The following EPS15 variants were observed in gnomAD, a reference collection of about 807,000 sequenced individuals.
EPS15 encodes epidermal growth factor receptor pathway substrate 15.
EPS15 carries 72 observed loss-of-function variants against 113.8 expected under a neutral mutation model. That is an observed-to-expected ratio of 0.63 (90% CI 0.52 to 0.77). The LOEUF (loss-of-function observed/expected upper bound fraction) is 0.77. EPS15 is among the 30% of genes least tolerant of loss of function. The probability of loss-of-function intolerance (pLI) is 0.00; values close to 1 mark genes in which losing one functional copy is unlikely to be tolerated. For synonymous variants in EPS15, 344 were observed against 363.4 expected (o/e 0.95, Z 0.61); for missense variants, 1,048 against 1,045.8 (o/e 1.00, Z -0.03).
intron 21 of EPS15, among the ~76,000 whole-genome samples, chr1:51,368,426 G>A (rs1336749932): frequency 1.3e-5 from 2 of 152,182 alleles, no homozygotes; most frequent in African/African-American, 4.8e-5. Flanking sequence ...TGATCCTGAA[G>A]AGGATGTTGG....
intron 1 of EPS15, among the ~76,000 whole-genome samples, chr1:51,517,785 A>T (rs1644751470): frequency 6.6e-6 from 1 of 152,186 alleles, no homozygotes; most frequent in African/African-American, 2.4e-5. Flanking sequence ...AAAACTGGGA[A>T]ATAGACTTTC....
At chr1:51,363,804 C>T in intron 23 of EPS15, 62 bp downstream of exon 23, 2 of 1,497,372 alleles carry the variant, frequency 1.3e-6, no homozygotes, top group Non-Finnish European at 1.8e-6. Flanking sequence ...AAGTTCCGCA[C>T]AATACTTTTC....
rs1224248551 is a variant in EPS15, at chr1:51,367,434, T to C, written c.2120-1405A>G. Among the ~76,000 whole-genome samples the C allele has an allele frequency of 3.9e-5, 6 of 152,070 alleles. No individual in the cohort carries two copies. The South Asian group carries it at 1.0e-3, about 26-fold the overall frequency. On this transcript the variant is annotated intron_variant, in intron 21 of 24. Coordinates refer to ENST00000371733, the MANE Select transcript of EPS15 (RefSeq NM_001981.3). ...TGGGCGTGGTGGTGCGTGCCTGTAATATCAGCTGCTTGGGAAGCTGAGGCA... is the reference window on the plus strand; with the variant it reads ...TGGGCGTGGTGGTGCGTGCCTGTAACATCAGCTGCTTGGGAAGCTGAGGCA...
At chr1:51,497,837 CATG>C (rs1644350749) in intron 1 of EPS15, among the ~76,000 whole-genome samples, 1 of 151,916 alleles carries the variant, frequency 6.6e-6, no homozygotes, top group African/African-American at 2.4e-5. Context: ...ATTCGCTGGG[CATG>C]GTGGTGCGCG....
At chr1:51,465,959 C>T (rs1654813724) in intron 5 of EPS15, among the ~76,000 whole-genome samples, 1 of 150,168 alleles carries the variant, frequency 6.7e-6, no homozygotes, top group Non-Finnish European at 1.5e-5. Context: ...ATGATCGCAG[C>T]ACTGTATTCC....
At chr1:51,502,476 A>G (rs1163284410) in intron 1 of EPS15, among the ~76,000 whole-genome samples, 2 of 152,130 alleles carry the variant, frequency 1.3e-5, no homozygotes, top group Non-Finnish European at 2.9e-5. Flanking sequence ...TCATTATTAT[A>G]CTGGAGGTTC....
intron 24 of EPS15, among the ~76,000 whole-genome samples, chr1:51,358,915 G>C (rs1372199790): frequency 6.6e-6 from 1 of 151,664 alleles, no homozygotes; most frequent in Non-Finnish European, 1.5e-5. Flanking sequence ...TGTTGGCCAG[G>C]CTGGTCTCAC....
intron 11 of EPS15, among the ~76,000 whole-genome samples, chr1:51,441,577 G>A (rs957060432): frequency 4.6e-5 from 7 of 151,976 alleles, no homozygotes; most frequent in East Asian, 1.9e-4. Context: ...GTTAATTTAC[G>A]TCAACAACTT....
chr1:51,401,413 T>G (rs1375254169), intron 18 of EPS15, among the ~76,000 whole-genome samples: 2 of 152,200 alleles, frequency 1.3e-5, no homozygotes, highest in East Asian at 1.9e-4. Context: ...TTAGGACAAC[T>G]GGATATCCAC....
intron 15 of EPS15, among the ~76,000 whole-genome samples, chr1:51,406,646 G>GATTC (rs1649160959): frequency 6.6e-6 from 1 of 151,298 alleles, no homozygotes; most frequent in African/African-American, 2.4e-5. Flanking sequence ...TTTTTAAAGA[G>GATTC]ATTCAAAAAA....
At chr1:51,412,520 C>T (rs904319198) in intron 13 of EPS15, among the ~76,000 whole-genome samples, 10 of 152,240 alleles carry the variant, frequency 6.6e-5, no homozygotes, top group African/African-American at 2.2e-4. Context: ...GCTAACATTC[C>T]GTGAGTTTGT....
intron 20 of EPS15, among the ~76,000 whole-genome samples, chr1:51,398,637 C>T (rs1007228859): frequency 6.6e-6 from 1 of 152,104 alleles, no homozygotes; most frequent in Admixed American, 6.5e-5. Context: ...CCAGATGTGT[C>T]TATGAAATAA....
chr1:51,388,326 T>C (rs565764422), intron 21 of EPS15, among the ~76,000 whole-genome samples: 2 of 152,272 alleles, frequency 1.3e-5, no homozygotes, highest in East Asian at 3.9e-4. Flanking sequence ...AAGCAGTGTG[T>C]AGAGGGAAAT....
intron 22 of EPS15, 42 bp downstream of exon 22, chr1:51,365,911 A>G: frequency 7.4e-7 from 1 of 1,355,652 alleles, no homozygotes; most frequent in South Asian, 1.3e-5. Flanking sequence ...TTTTGGTGGA[A>G]ACACAGTATG....
intron 8 of EPS15, among the ~76,000 whole-genome samples, chr1:51,455,183 G>T (rs959088641): frequency 1.3e-5 from 2 of 152,144 alleles, no homozygotes; most frequent in Non-Finnish European, 1.5e-5. Context: ...CTATACACTT[G>T]CAGAACTTAC....
chr1:51,451,835 T>C (rs916641852), intron 8 of EPS15, among the ~76,000 whole-genome samples: 3 of 152,134 alleles, frequency 2.0e-5, no homozygotes, highest in Non-Finnish European at 2.9e-5. Context: ...TCAAACTAAC[T>C]TGGAACCTCT....
intron 11 of EPS15, among the ~76,000 whole-genome samples, chr1:51,441,509 C>T (rs1312533425): frequency 6.6e-6 from 1 of 152,086 alleles, no homozygotes; most frequent in East Asian, 1.9e-4. Flanking sequence ...CTAAGATATA[C>T]TGCTGACTTT....
chr1:51,469,474 A>G (rs560485791), intron 4 of EPS15, among the ~76,000 whole-genome samples: 65 of 152,358 alleles, frequency 4.3e-4, no homozygotes, highest in Non-Finnish European at 8.5e-4. Context: ...AAATAAATGC[A>G]AAGAAGCTGA....
At chr1:51,406,450 C>T (rs2148426055) in intron 15 of EPS15, among the ~76,000 whole-genome samples, 1 of 152,120 alleles carries the variant, frequency 6.6e-6, no homozygotes, top group African/African-American at 2.4e-5. Context: ...ACTCGAGTGA[C>T]AGAATGAGAC....
Sources: gnomAD v4.1 joint callset for allele counts (sites outside exome capture counted in the v4.1 genomes callset) on GRCh38, gnomAD v4.1.1 for gene constraint, MANE v1.5 for transcripts, NCBI Gene and HGNC (gene_info 2026-07-23, HGNC 2026-07-21) for gene names.